The following COG6 variants were observed in gnomAD, a reference collection of about 807,000 sequenced individuals.
COG6 encodes the protein conserved oligomeric Golgi complex subunit 6.
In COG6, 74 loss-of-function variants were observed where a neutral mutation model predicts 88.8. That is an observed-to-expected ratio of 0.83 (90% CI 0.69 to 1.01). The LOEUF (loss-of-function observed/expected upper bound fraction) is 1.01, where lower values mean the gene tolerates loss of function less well. Ranked by LOEUF, COG6 falls within the 50% of genes least tolerant of loss-of-function variation. The pLI, the probability that COG6 is intolerant of heterozygous loss-of-function variation, is 0.00. For missense variants in COG6, 800 were observed against 797.9 expected (o/e 1.00, Z -0.03); for synonymous variants, 286 against 278.7 (o/e 1.03, Z -0.26).
chr13:39,766,046 G>A (rs1388289128), intron 18 of COG6, among the ~76,000 whole-genome samples: 1 of 152,214 alleles, frequency 6.6e-6, no homozygotes, highest in Non-Finnish European at 1.5e-5. Context: ...TGCCAGCCTG[G>A]CTGAGACTCA....
At chr13:39,677,229 G>A (rs537611474) in intron 4 of COG6, among the ~76,000 whole-genome samples, 163 of 152,088 alleles carry the variant, frequency 1.1e-3, no homozygotes, top group Non-Finnish European at 2.1e-3. Flanking sequence ...GTTCTTTTGC[G>A]TAATGATCAA....
rs546746392 is a variant in COG6, at chr13:39,674,597, A to G, written c.429-2871A>G. 1.1e-4 allele frequency among the ~76,000 whole-genome samples: 17 copies of G among 152,236 alleles called. No homozygotes were observed. In the South Asian group the frequency reaches 2.3e-3, roughly 20 times the overall value. ...TATACAGTAATTCCCAACCTTGTCT[A>G]TGGTTTTGCTTTGTGTGGTTTCCAT... On this transcript the variant is annotated intron_variant, in intron 4 of 18. Coordinates refer to ENST00000455146, the MANE Select transcript of COG6 (RefSeq NM_020751.3).
chr13:39,738,053 G>A (rs531703868), intron 18 of COG6, among the ~76,000 whole-genome samples: 2 of 152,036 alleles, frequency 1.3e-5, no homozygotes, highest in East Asian at 3.9e-4. Context: ...GATGGTGTAG[G>A]CAATTCAAGA....
At chr13:39,724,694 A>G (rs1372196711) in intron 17 of COG6, 133 bp downstream of exon 17, 1 of 718,692 alleles carries the variant, frequency 1.4e-6, no homozygotes, top group African/African-American at 1.8e-5. Flanking sequence ...TGGGTCCAAT[A>G]ATAATGACTG....
chr13:39,757,751 A>G (rs906924229), intron 18 of COG6, among the ~76,000 whole-genome samples: 6 of 152,200 alleles, frequency 3.9e-5, no homozygotes, highest in Admixed American at 2.0e-4. Flanking sequence ...AACTATGGCA[A>G]CAAGATGGAG....
At chr13:39,676,248 G>T (rs1875960228) in intron 4 of COG6, among the ~76,000 whole-genome samples, 1 of 151,720 alleles carries the variant, frequency 6.6e-6, no homozygotes, top group South Asian at 2.1e-4. Flanking sequence ...AACTCTAAAT[G>T]GATTAAAGAG....
At chr13:39,723,158 T>G (rs904291323) in intron 15 of COG6, among the ~76,000 whole-genome samples, 175 bp from the exon 16 acceptor site, 3 of 152,060 alleles carry the variant, frequency 2.0e-5, no homozygotes, top group African/African-American at 7.2e-5. Flanking sequence ...GTTTATAATT[T>G]TTAAAGTAAG....
chr13:39,702,028 T>A (rs1388165365), intron 13 of COG6, among the ~76,000 whole-genome samples: 1 of 151,958 alleles, frequency 6.6e-6, no homozygotes, highest in African/African-American at 2.4e-5. Context: ...TTAGAGACAA[T>A]CCACAGATGA....
At chr13:39,658,039 A>G (rs1874637769) in intron 1 of COG6, among the ~76,000 whole-genome samples, 2 of 149,638 alleles carry the variant, frequency 1.3e-5, no homozygotes, top group South Asian at 4.2e-4. Context: ...CAAGAAGCAT[A>G]TGAATAATTT....
chr13:39,710,078 C>G (rs79246596), intron 13 of COG6, among the ~76,000 whole-genome samples: 11,305 of 152,098 alleles, frequency 0.074, 573 homozygotes, highest in Middle Eastern at 0.14. Flanking sequence ...ATCTATAGAT[C>G]AGTTGAGGAG....
intron 8 of COG6, among the ~76,000 whole-genome samples, chr13:39,685,475 T>C (rs979926187): frequency 2.6e-5 from 4 of 152,204 alleles, no homozygotes. Context: ...TTGCCAGGCT[T>C]GGTAATTTAC....
At chr13:39,670,018 C>G (rs1388348267) in intron 4 of COG6, among the ~76,000 whole-genome samples, 1 of 151,904 alleles carries the variant, frequency 6.6e-6, no homozygotes, top group East Asian at 1.9e-4. Context: ...AAATAGAAAT[C>G]TGTTTCTATA....
chr13:39,724,915 C>A lies in COG6; in HGVS notation c.1746+354C>A, dbSNP rs1015567014. Among the ~76,000 whole-genome samples, 24 of 151,886 alleles carry A rather than the reference C, an allele frequency of 1.6e-4. 1 individual carries two copies. The highest frequency in any genetic ancestry group is 1.5e-3 in the Admixed American group (23 of 15,242). On this transcript the variant is annotated intron_variant, in intron 17 of 18. Coordinates refer to ENST00000455146, the MANE Select transcript of COG6 (RefSeq NM_020751.3). ...TAAACTTATTACTACCTTGATCCTT[C>A]GTTTAAAGTTCCTGACGTGAAAATC...
intron 4 of COG6, 73 bp from the exon 5 acceptor site, chr13:39,677,395 A>T: frequency 2.4e-6 from 2 of 838,040 alleles, no homozygotes; most frequent in Non-Finnish European, 4.2e-6. Context: ...ATTATGTCTG[A>T]GATAGAATTT....
At chr13:39,742,042 C>G (rs954256403) in intron 18 of COG6, among the ~76,000 whole-genome samples, 1 of 152,250 alleles carries the variant, frequency 6.6e-6, no homozygotes, top group East Asian at 1.9e-4. Context: ...CCTTTACAGA[C>G]AAGCAAATGC....
At chr13:39,693,780 T>A (rs994395577) in intron 11 of COG6, among the ~76,000 whole-genome samples, 2 of 151,944 alleles carry the variant, frequency 1.3e-5, no homozygotes, top group African/African-American at 4.8e-5. Flanking sequence ...AAAATCTAAA[T>A]ACAGAGAAAG....
At chr13:39,778,158 G>C (rs760169190) in intron 18 of COG6, among the ~76,000 whole-genome samples, 1 of 152,208 alleles carries the variant, frequency 6.6e-6, no homozygotes, top group Non-Finnish European at 1.5e-5. Flanking sequence ...TAATACTTGA[G>C]GTTGATAGAT....
At chr13:39,757,946 G>C (rs1880891903) in intron 18 of COG6, among the ~76,000 whole-genome samples, 1 of 152,174 alleles carries the variant, frequency 6.6e-6, no homozygotes, top group South Asian at 2.1e-4. Context: ...CCGAGGGCTG[G>C]CACAGTGGCT....
At chr13:39,656,785 G>A (rs973345320) in intron 1 of COG6, 1 of 455,338 alleles carries the variant, frequency 2.2e-6, no homozygotes, top group African/African-American at 2.0e-5. Context: ...TGTGCATCAT[G>A]ATTTGAGTAA....
Sources: allele counts gnomAD v4.1 joint callset (sites outside exome capture counted in the v4.1 genomes callset), GRCh38; gene constraint gnomAD v4.1.1; transcripts MANE v1.5; gene names NCBI Gene and HGNC (gene_info 2026-07-23, HGNC 2026-07-21).